The following KCNAB1 variants were observed in gnomAD, a reference collection of about 807,000 sequenced individuals.
KCNAB1 encodes voltage-gated potassium channel subunit beta-1.
Under a neutral mutation model 64.6 loss-of-function variants are expected in KCNAB1, and 35 were observed. That is an observed-to-expected ratio of 0.54 (90% CI 0.41 to 0.72). KCNAB1 has a LOEUF of 0.72. KCNAB1 is among the 30% of genes least tolerant of loss of function. The pLI is 0.00. For missense variants in KCNAB1, 401 were observed against 512.9 expected (o/e 0.78, Z 2.11); for synonymous variants, 177 against 183.8 (o/e 0.96, Z 0.30).
intron 1 of KCNAB1, among the ~76,000 whole-genome samples, chr3:156,367,128 T>C (rs1484451166): frequency 2.0e-5 from 3 of 151,616 alleles, no homozygotes; most frequent in African/African-American, 7.3e-5. Context: ...TTAGTGCCGC[T>C]AACAATTCAC....
rs1056201300 is a variant in KCNAB1, at chr3:156,308,944, T to C, written c.276-112672T>C. ...AAATTGGCACACACACTTGTACTGATAATTTATTAGCATTAGCTTTCAGAT... is the reference window on the plus strand; with the variant it reads ...AAATTGGCACACACACTTGTACTGACAATTTATTAGCATTAGCTTTCAGAT... On this transcript the variant is annotated intron_variant, in intron 1 of 13. Transcript: ENST00000490337. Among the ~76,000 whole-genome samples, 5 of 152,204 alleles carry C rather than the reference T, an allele frequency of 3.3e-5. No individual in the cohort carries two copies. In the East Asian group the frequency reaches 9.6e-4, roughly 29 times the overall value.
At chr3:156,322,968 A>G (rs1475572125) in intron 1 of KCNAB1, among the ~76,000 whole-genome samples, 2 of 152,198 alleles carry the variant, frequency 1.3e-5, no homozygotes, top group Non-Finnish European at 2.9e-5. Flanking sequence ...TTATTAGAAG[A>G]TGATGCTACC....
chr3:156,409,698 A>C (rs1041525218), intron 1 of KCNAB1, among the ~76,000 whole-genome samples: 1 of 152,252 alleles, frequency 6.6e-6, no homozygotes, highest in African/African-American at 2.4e-5. Flanking sequence ...TCACTATGAG[A>C]AGGCACAATG....
chr3:156,489,789 T>G (rs1342938601), intron 8 of KCNAB1, among the ~76,000 whole-genome samples: 1 of 152,108 alleles, frequency 6.6e-6, no homozygotes, highest in Non-Finnish European at 1.5e-5. Context: ...ATAAATGACT[T>G]AGCAGAACTG....
intron 1 of KCNAB1, among the ~76,000 whole-genome samples, chr3:156,262,291 G>T (rs1718479309): frequency 6.6e-6 from 1 of 151,886 alleles, no homozygotes; most frequent in Non-Finnish European, 1.5e-5. Flanking sequence ...AAAACATTTA[G>T]TCTTTTTTAC....
At chr3:156,412,538 C>T (rs905593927) in intron 1 of KCNAB1, among the ~76,000 whole-genome samples, 25 of 152,292 alleles carry the variant, frequency 1.6e-4, no homozygotes, top group Admixed American at 1.2e-3. Flanking sequence ...AGTATTGAGT[C>T]GCACTTCCAT....
chr3:156,518,629 G>A (rs893497870), intron 11 of KCNAB1, among the ~76,000 whole-genome samples: 1 of 152,162 alleles, frequency 6.6e-6, no homozygotes, highest in African/African-American at 2.4e-5. Flanking sequence ...ATAAGATTAA[G>A]ATGTTAATAT....
intron 1 of KCNAB1, among the ~76,000 whole-genome samples, chr3:156,266,321 GAC>G (rs1718706608): frequency 6.6e-6 from 1 of 152,110 alleles, no homozygotes; most frequent in Admixed American, 6.6e-5. Flanking sequence ...AAAAACTGGG[GAC>G]ACACTAATGT....
At chr3:156,283,176 C>G (rs981908181) in intron 1 of KCNAB1, among the ~76,000 whole-genome samples, 1 of 151,316 alleles carries the variant, frequency 6.6e-6, no homozygotes, top group Admixed American at 6.6e-5. Context: ...GACAAAATCT[C>G]TCAGCATTTG....
intron 8 of KCNAB1, among the ~76,000 whole-genome samples, chr3:156,500,903 C>G (rs1432470641): frequency 6.6e-6 from 1 of 152,176 alleles, no homozygotes. Context: ...TGACCACGTT[C>G]TATGATAGAA....
chr3:156,373,796 CCTGCA>C (rs1711503751), intron 1 of KCNAB1, among the ~76,000 whole-genome samples: 1 of 152,190 alleles, frequency 6.6e-6, no homozygotes, highest in Non-Finnish European at 1.5e-5. Flanking sequence ...CCCTTTCTGA[CCTGCA>C]CTGTGGTAGG....
chr3:156,148,307 T>C (rs374481351), intron 1 of KCNAB1, among the ~76,000 whole-genome samples: 8 of 152,234 alleles, frequency 5.3e-5, no homozygotes, highest in African/African-American at 1.9e-4. Flanking sequence ...TTGTCAAAAT[T>C]GTGCATCATG....
chr3:156,124,887 A>G (rs1485504787), intron 1 of KCNAB1, among the ~76,000 whole-genome samples: 1 of 151,952 alleles, frequency 6.6e-6, no homozygotes, highest in Non-Finnish European at 1.5e-5. Context: ...TGCCTGTAAT[A>G]CCAGCACTTT....
chr3:156,163,152 G>C (rs1716179577), intron 1 of KCNAB1, among the ~76,000 whole-genome samples: 1 of 152,160 alleles, frequency 6.6e-6, no homozygotes, highest in South Asian at 2.1e-4. Flanking sequence ...TAAAAATTCA[G>C]TTTCGTCAGT....
intron 1 of KCNAB1, among the ~76,000 whole-genome samples, chr3:156,339,826 C>G (rs965936026): frequency 2.8e-4 from 43 of 152,208 alleles, no homozygotes; most frequent in African/African-American, 1.0e-3. Context: ...TGGCTTCATG[C>G]GTGTTTTGTC....
intron 1 of KCNAB1, among the ~76,000 whole-genome samples, chr3:156,398,772 T>G (rs909167672): frequency 4.7e-5 from 7 of 150,370 alleles, no homozygotes; most frequent in African/African-American, 1.7e-4. Flanking sequence ...TAGAAATTTT[T>G]AAAAGAAGGG....
chr3:156,159,994 C>CAT (rs959457175), intron 1 of KCNAB1, among the ~76,000 whole-genome samples: 2 of 152,196 alleles, frequency 1.3e-5, no homozygotes, highest in Non-Finnish European at 2.9e-5. Flanking sequence ...TGGCATAATA[C>CAT]ATATAATACT....
intron 1 of KCNAB1, among the ~76,000 whole-genome samples, chr3:156,335,751 A>G (rs1723653835): frequency 6.6e-6 from 1 of 152,180 alleles, no homozygotes; most frequent in South Asian, 2.1e-4. Context: ...ACATGAGCTT[A>G]TAATAAAACA....
intron 1 of KCNAB1, among the ~76,000 whole-genome samples, chr3:156,353,652 G>T (rs1480561452): frequency 1.3e-5 from 2 of 152,176 alleles, no homozygotes; most frequent in African/African-American, 4.8e-5. Context: ...CCAAGCTCAT[G>T]TGACTGTTGC....
Sources: allele counts gnomAD v4.1 joint callset (sites outside exome capture counted in the v4.1 genomes callset), GRCh38; gene constraint gnomAD v4.1.1; transcripts MANE v1.5; gene names NCBI Gene and HGNC (gene_info 2026-07-23, HGNC 2026-07-21).